DAB2IP: variants seen among roughly 807,000 people sequenced by gnomAD.
The protein encoded by DAB2IP is DAB2 interacting protein, also known as disabled homolog 2-interacting protein.
DAB2IP carries 28 observed loss-of-function variants against 107.2 expected under a neutral mutation model. The ratio of observed to expected loss-of-function variants is 0.26; its 90% confidence interval spans 0.19 to 0.36. The LOEUF is 0.36. Among genes scored for constraint, DAB2IP ranks in the 10% least tolerant of loss-of-function variants. DAB2IP has a pLI of 1.00. For synonymous variants in DAB2IP, 755 were observed against 706.4 expected (o/e 1.07, Z -1.09); for missense variants, 1,400 against 1,644.7 (o/e 0.85, Z 2.57).
intron 9 of DAB2IP, 57 bp downstream of exon 9, chr9:121,766,787 G>A: frequency 6.4e-7 from 1 of 1,554,710 alleles, no homozygotes; most frequent in Non-Finnish European, 8.8e-7. Context: ...CCACAGGGCA[G>A]GCCCTGGGGG....
chr9:121,641,992 CCTT>C lies in DAB2IP; in HGVS notation c.41-36685_41-36683del, dbSNP rs1234981678. ...TCTCTCTTTCTTTCTTTCTTTCTTT[CCTT>C]TCTCTCTCTCTCTCTCTCTCTCTCT... On this transcript the variant is annotated intron_variant, in intron 1 of 16. Transcript: ENST00000259371. Among the ~76,000 whole-genome samples the C allele has an allele frequency of 2.0e-3, 60 of 29,314 alleles. 1 individual carries two copies. The highest frequency in any genetic ancestry group is 2.9e-3 in the Non-Finnish European group (52 of 17,710). The allele number at this position is 29,314 out of a possible 152,430, so 19.2% of individuals were successfully genotyped here.
intron 2 of DAB2IP, among the ~76,000 whole-genome samples, chr9:121,685,945 G>T (rs1159408718): frequency 6.6e-6 from 1 of 152,338 alleles, no homozygotes; most frequent in South Asian, 2.1e-4. Context: ...GAGATCCACG[G>T]CAGTGAACAG....
chr9:121,611,136 C>T (rs1169132928), intron 1 of DAB2IP, among the ~76,000 whole-genome samples: 2 of 152,128 alleles, frequency 1.3e-5, no homozygotes, highest in African/African-American at 2.4e-5. Flanking sequence ...CCACCACGCC[C>T]GGCTAATTGT....
At chr9:121,715,622 G>C (rs1340336655) in intron 3 of DAB2IP, among the ~76,000 whole-genome samples, 2 of 152,014 alleles carry the variant, frequency 1.3e-5, no homozygotes, top group African/African-American at 4.8e-5. Flanking sequence ...CAAAGTGCTG[G>C]GATTACAGGC....
chr9:121,699,365 C>G lies in DAB2IP; in HGVS notation c.269C>G (p.Thr90Ser), dbSNP rs750341980. The G allele has an allele frequency of 2.0e-6, 3 of 1,484,156 alleles. No individual in the cohort carries two copies. In the South Asian group the frequency reaches 3.7e-5, roughly 18 times the overall value. The allele number at this position is 1,484,156 out of a possible 1,614,324, so 91.9% of individuals were successfully genotyped here. The change falls in exon 3 of 16, where the codon ACC becomes AGC. Residue 90 changes from threonine (T) to serine (S), a missense_variant. Physicochemically the swap from Thr to Ser is moderately conservative, Grantham distance 58. Coordinates refer to ENST00000408936, the Ensembl canonical transcript of DAB2IP. This position sits in a 1 kb window ranked among gnomAD's most constrained non-coding sequence, Gnocchi z 6.2. The stretch of plus-strand genomic sequence containing the variant: ...CGCCTCAAGGGCTCCATCAAGCGCA[C>G]CAAGAGCCAGCCCAAGCTGGACCGC...
chr9:121,619,296 G>A (rs1214124240), intron 1 of DAB2IP, among the ~76,000 whole-genome samples: 1 of 152,090 alleles, frequency 6.6e-6, no homozygotes, highest in Non-Finnish European at 1.5e-5. Flanking sequence ...GCAGGTACGC[G>A]CCACCACATC....
At chr9:121,744,260 C>T (rs1832559293) in intron 3 of DAB2IP, among the ~76,000 whole-genome samples, 1 of 152,202 alleles carries the variant, frequency 6.6e-6, no homozygotes, top group Non-Finnish European at 1.5e-5. Flanking sequence ...CCCAGGCCCA[C>T]TGGGTGGGGT....
chr9:121,639,745 G>A (rs1421895831), intron 1 of DAB2IP, among the ~76,000 whole-genome samples: 1 of 152,190 alleles, frequency 6.6e-6, no homozygotes, highest in East Asian at 1.9e-4. Context: ...GCTGCAGTTT[G>A]GACAAAGCAG....
chr9:121,686,851 C>A (rs1395988485), intron 2 of DAB2IP, among the ~76,000 whole-genome samples: 1 of 152,184 alleles, frequency 6.6e-6, no homozygotes, highest in Non-Finnish European at 1.5e-5. Flanking sequence ...GGTAACTGGG[C>A]AGACCCCTCC....
chr9:121,720,221 G>A (rs1349237941), intron 3 of DAB2IP, among the ~76,000 whole-genome samples: 1 of 152,186 alleles, frequency 6.6e-6, no homozygotes, highest in Non-Finnish European at 1.5e-5. Flanking sequence ...GCAGTTCTCA[G>A]GGTGTGGCAG....
intron 6 of DAB2IP, among the ~76,000 whole-genome samples, chr9:121,762,573 G>A (rs936141808): frequency 8.5e-5 from 13 of 152,136 alleles, no homozygotes; most frequent in African/African-American, 3.1e-4. Flanking sequence ...TGTTTTAAAG[G>A]ACCCCAAGGT....
At position 121,760,596 on chromosome 9, in the gene DAB2IP, G is replaced by A. The variant is rs1287547987; in HGVS notation, c.1170+157G>A. On this transcript the variant is annotated intron_variant, in intron 6 of 15. Coordinates refer to ENST00000408936, the Ensembl canonical transcript of DAB2IP. This position sits in a 1 kb window ranked among gnomAD's most constrained non-coding sequence, Gnocchi z 5.9. ...AAACCCAAAAGTTCTATCGTGGGCT[G>A]GGGGTTTTGTACTCCTGCTCTGTGG... 2.6e-5 allele frequency among the ~76,000 whole-genome samples: 4 copies of A among 152,182 alleles called. No individual in the cohort carries two copies. Among genetic ancestry groups the A allele is most frequent in the African/African-American group, 7.2e-5 (3 of 41,452 alleles).
chr9:121,732,410 A>G (rs912390854), intron 3 of DAB2IP, among the ~76,000 whole-genome samples: 3 of 152,286 alleles, frequency 2.0e-5, no homozygotes, highest in East Asian at 1.9e-4. Context: ...AGTCATCACC[A>G]TAAGACACTG....
Position 121,662,250 on chromosome 9 carries a change from CTCTCT to C in DAB2IP, c.124+10358_124+10362del, listed in dbSNP as rs1308820122. Among the ~76,000 whole-genome samples the C allele has an allele frequency of 2.6e-5, 4 of 152,194 alleles. No homozygotes were observed. In the East Asian group the frequency reaches 7.7e-4, roughly 29 times the overall value. ...CAAACCTTAACATTGCCATACCTGC[CTCTCT>C]TCTCTTTTCTTTCTATCTTTCTTAG... is the stretch of plus-strand genomic sequence containing the variant. On this transcript the variant is annotated intron_variant, in intron 1 of 15. Transcript: ENST00000408936. This position sits in a 1 kb window ranked among gnomAD's most constrained non-coding sequence, Gnocchi z 4.6.
chr9:121,711,049 A>G (rs1012034166), intron 3 of DAB2IP, among the ~76,000 whole-genome samples: 20 of 152,192 alleles, frequency 1.3e-4, no homozygotes, highest in African/African-American at 4.6e-4. Context: ...CCTATTCCAG[A>G]GAGTTTCAGA....
chr9:121,657,890 T>A (rs1412420394), intron 1 of DAB2IP, among the ~76,000 whole-genome samples: 1 of 152,210 alleles, frequency 6.6e-6, no homozygotes, highest in Non-Finnish European at 1.5e-5. Context: ...AGGAGCCAAC[T>A]GTTTCCCTTG....
intron 1 of DAB2IP, among the ~76,000 whole-genome samples, chr9:121,572,206 C>T (rs1829960746): frequency 6.6e-6 from 1 of 152,124 alleles, no homozygotes; most frequent in South Asian, 2.1e-4. Context: ...TTCGTGGGTA[C>T]CGTCCTCCTA....
In DAB2IP at chr9:121,776,583, C is replaced by T. The variant is rs1835216048; in HGVS notation, c.3314+192C>T. ...GGCAGGAGGTGGCCTGGAGGGTGGG[C>T]AGCCCATGCAGAATACAAAGCTGGG... On this transcript the variant is annotated intron_variant, in intron 14 of 15. Coordinates refer to ENST00000408936, the Ensembl canonical transcript of DAB2IP. The surrounding 1 kb of genome is among the most constrained non-coding windows in gnomAD (Gnocchi z 5.4). Among the ~76,000 whole-genome samples the T allele has an allele frequency of 6.6e-6, 1 of 152,128 alleles. No homozygotes were observed. The highest frequency in any genetic ancestry group is 1.5e-5 in the Non-Finnish European group (1 of 68,008).
At chr9:121,641,930 T>TTTCTTTCTTTCG in intron 1 of DAB2IP, among the ~76,000 whole-genome samples, 1 of 146,924 alleles carries the variant, frequency 6.8e-6, no homozygotes, top group Non-Finnish European at 1.5e-5. Context: ...TCTTTCTTTC[T>TTTCTTTCTTTCG]TTCTTTCTCT....
Sources: allele counts gnomAD v4.1 joint callset (sites outside exome capture counted in the v4.1 genomes callset), GRCh38; gene constraint gnomAD v4.1.1; non-coding constraint Gnocchi (gnomAD v3.1); transcripts MANE v1.5; gene names NCBI Gene and HGNC (gene_info 2026-07-23, HGNC 2026-07-21).